The following CNBD1 variants were observed in gnomAD, a reference collection of about 807,000 sequenced individuals.
CNBD1 encodes cyclic nucleotide binding domain containing 1, also known as cyclic nucleotide-binding domain-containing protein 1.
Under a neutral mutation model 54.4 loss-of-function variants are expected in CNBD1, and 71 were observed. The observed-to-expected ratio is 1.30, with a 90% CI of 1.08 to 1.59. CNBD1 has a LOEUF of 1.59. CNBD1 is among the 40% of genes most tolerant of loss of function. The probability of loss-of-function intolerance (pLI) is 0.00; values close to 1 mark genes in which losing one functional copy is unlikely to be tolerated. For missense variants in CNBD1, 659 were observed against 518.0 expected, an observed-to-expected ratio of 1.27 and a Z score of -2.64; for synonymous variants, 182 against 170.7, an observed-to-expected ratio of 1.07 and a Z score of -0.51.
chr8:87,284,744 T>C lies in CNBD1; in HGVS notation c.838T>C (p.Phe280Leu), dbSNP rs778809689. 6.2e-7 allele frequency: 1 copy of C among 1,603,898 alleles called. No individual in the cohort carries two copies. The highest frequency in any genetic ancestry group is 8.5e-7 in the Non-Finnish European group (1 of 1,175,022). ...MPQNESETQM[F>L]SVVTEDDCEI... The stretch of plus-strand genomic sequence containing the variant: ...TCAGAATGAATCGGAAACACAGATG[T>C]TCTCGGTGGTGACAGAAGACGATTG... Residue 280 changes from phenylalanine to leucine, a missense_variant, in exon 7 of 11, where the codon TTC becomes CTC. Phe to Leu is a conservative substitution (Grantham distance 22). Transcript: ENST00000518476.
At chr8:87,348,442 A>G (rs1367544352) in intron 8 of CNBD1, among the ~76,000 whole-genome samples, 2 of 152,166 alleles carry the variant, frequency 1.3e-5, no homozygotes, top group African/African-American at 4.8e-5. Flanking sequence ...TTGGAAGGAG[A>G]ATATATTCAG....
chr8:87,414,618 T>C (rs925001767), intron 2 of CNBD1, among the ~76,000 whole-genome samples: 1 of 152,098 alleles, frequency 6.6e-6, no homozygotes, highest in African/African-American at 2.4e-5. Context: ...CTACAACTTA[T>C]ATCATGTAAC....
At chr8:87,027,648 C>T (rs963633550) in intron 4 of CNBD1, among the ~76,000 whole-genome samples, 2 of 152,210 alleles carry the variant, frequency 1.3e-5, no homozygotes, top group African/African-American at 4.8e-5. Flanking sequence ...AGAAGAACAT[C>T]ACCTGGAATC....
At chr8:87,297,480 G>T (rs1428613458) in intron 8 of CNBD1, among the ~76,000 whole-genome samples, 2 of 151,984 alleles carry the variant, frequency 1.3e-5, no homozygotes, top group East Asian at 3.9e-4. Context: ...AAAAATATTG[G>T]CATAACAGAT....
chr8:87,302,810 G>A (rs139663085), intron 8 of CNBD1, among the ~76,000 whole-genome samples: 56,920 of 150,634 alleles, frequency 0.38, 11,159 homozygotes, highest in Middle Eastern at 0.46. Context: ...AAATCAATGT[G>A]CAAAAATCAC....
intron 4 of CNBD1, among the ~76,000 whole-genome samples, chr8:87,171,972 A>C (rs1170423001): frequency 1.3e-5 from 2 of 151,916 alleles, no homozygotes; most frequent in Non-Finnish European, 2.9e-5. Context: ...ACAGCTATAC[A>C]CTTCCTTCTT....
At chr8:86,894,564 T>TG (rs1488219616) in intron 2 of CNBD1, among the ~76,000 whole-genome samples, 1 of 152,196 alleles carries the variant, frequency 6.6e-6, no homozygotes, top group Admixed American at 6.5e-5. Context: ...CTGTTTGTGT[T>TG]GAACATTGCA....
chr8:87,424,581 C>T (rs71525096), intron 2 of CNBD1, among the ~76,000 whole-genome samples: 2,653 of 152,196 alleles, frequency 0.017, 37 homozygotes, highest in Middle Eastern at 0.048. Flanking sequence ...TGTAGTTGCG[C>T]GTTTTTGCTG....
At chr8:87,337,535 A>G (rs781631164) in intron 8 of CNBD1, among the ~76,000 whole-genome samples, 1 of 152,244 alleles carries the variant, frequency 6.6e-6, no homozygotes, top group African/African-American at 2.4e-5. Context: ...GCTTAGGCCA[A>G]TTCTAGCTGA....
intron 4 of CNBD1, among the ~76,000 whole-genome samples, chr8:86,990,364 G>A (rs1224892816): frequency 4.6e-5 from 7 of 152,024 alleles, no homozygotes; most frequent in African/African-American, 1.7e-4. Context: ...ATTTTGATTG[G>A]TTTTTGTTTA....
At chr8:87,241,347 T>C (rs1024640354) in intron 6 of CNBD1, among the ~76,000 whole-genome samples, 4 of 139,966 alleles carry the variant, frequency 2.9e-5, no homozygotes, top group Non-Finnish European at 4.5e-5. Flanking sequence ...CTCGGCTCAC[T>C]GCAAGCTCTG....
At chr8:87,361,219 A>G (rs1027181171) in intron 10 of CNBD1, among the ~76,000 whole-genome samples, 13 of 151,970 alleles carry the variant, frequency 8.6e-5, no homozygotes, top group Non-Finnish European at 1.9e-4. Context: ...CTCCTCTTAT[A>G]ATTTGTTATT....
At chr8:87,106,456 C>T (rs112576097) in intron 4 of CNBD1, among the ~76,000 whole-genome samples, 26 of 152,304 alleles carry the variant, frequency 1.7e-4, no homozygotes, top group African/African-American at 5.1e-4. Context: ...AGTGATCCAC[C>T]TGCCTCAGCC....
chr8:87,421,983 G>A (rs1161402953), intron 2 of CNBD1, among the ~76,000 whole-genome samples: 35 of 149,916 alleles, frequency 2.3e-4, no homozygotes, highest in Admixed American at 2.1e-3. Context: ...GGTATGAGAT[G>A]GTATCTCATT....
At chr8:86,944,507 C>T (rs1270961660) in intron 4 of CNBD1, among the ~76,000 whole-genome samples, 1 of 152,006 alleles carries the variant, frequency 6.6e-6, no homozygotes, top group South Asian at 2.1e-4. Flanking sequence ...GAGAGAGAGA[C>T]AATTAAATAC....
At chr8:87,081,360 C>T (rs187605732) in intron 4 of CNBD1, among the ~76,000 whole-genome samples, 1 of 152,230 alleles carries the variant, frequency 6.6e-6, no homozygotes, top group Non-Finnish European at 1.5e-5. Context: ...GATAAGAGAA[C>T]ATACTTCACA....
At chr8:87,231,404 G>A (rs1400261347) in intron 5 of CNBD1, among the ~76,000 whole-genome samples, 1 of 152,114 alleles carries the variant, frequency 6.6e-6, no homozygotes, top group Non-Finnish European at 1.5e-5. Flanking sequence ...ATAGTCATGT[G>A]GAACTGCCAC....
At chr8:87,020,405 C>A (rs1809460840) in intron 4 of CNBD1, among the ~76,000 whole-genome samples, 1 of 152,092 alleles carries the variant, frequency 6.6e-6, no homozygotes, top group Non-Finnish European at 1.5e-5. Context: ...ATGACCAAAT[C>A]AAACACCCCT....
At chr8:86,894,176 C>G (rs1808815707) in intron 2 of CNBD1, among the ~76,000 whole-genome samples, 1 of 147,648 alleles carries the variant, frequency 6.8e-6, no homozygotes, top group Middle Eastern at 3.4e-3. Context: ...ATTCTCCTGC[C>G]TCAGCCTCCC....
Sources: allele counts gnomAD v4.1 joint callset (sites outside exome capture counted in the v4.1 genomes callset), GRCh38; gene constraint gnomAD v4.1.1; transcripts MANE v1.5; gene names NCBI Gene and HGNC (gene_info 2026-07-23, HGNC 2026-07-21).